Variants in MAP2 observed in about 807,000 individuals in gnomAD.
The protein encoded by MAP2 is microtubule-associated protein 2.
MAP2 carries 14 observed loss-of-function variants against 137.6 expected under a neutral mutation model. The ratio of observed to expected loss-of-function variants is 0.10; its 90% confidence interval spans 0.07 to 0.16. The LOEUF (loss-of-function observed/expected upper bound fraction) is 0.16. Ranked by LOEUF, MAP2 falls within the 10% of genes least tolerant of loss-of-function variation. MAP2 has a pLI of 1.00. For missense variants in MAP2, 2,088 were observed against 2,191.5 expected, an observed-to-expected ratio of 0.95 and a Z score of 0.94; for synonymous variants, 786 against 782.3, an observed-to-expected ratio of 1.00 and a Z score of -0.08.
chr2:209,723,698 G>T, intron 13 of MAP2: 1 of 1,605,364 alleles, frequency 6.2e-7, no homozygotes, highest in African/African-American at 1.3e-5. Flanking sequence ...GTAAGTAGAA[G>T]CGCCTTTTAG....
rs1202538347 is a variant in MAP2, at chr2:209,694,312, T to C, written c.2142T>C (p.Leu714=). The C allele has an allele frequency of 1.9e-6, 3 of 1,614,128 alleles. No individual in the cohort carries two copies. Among genetic ancestry groups the C allele is most frequent in the Non-Finnish European group, 2.5e-6 (3 of 1,179,998 alleles). Residue 714 remains leucine (L), a synonymous_variant, in exon 8 of 16, where the codon CTT becomes CTC. Transcript: ENST00000682079. ...TGTCTTGCCTAGATTCCATAGCCCT[T>C]GGATTTAACTTTGGTCGGGGACATG... The part of the protein sequence containing the change: ...LPMSCLDSIA[L]GFNFGRGHDL...
chr2:209,540,497 G>GTT (rs1577555286), intron 2 of MAP2, among the ~76,000 whole-genome samples: 60 of 150,584 alleles, frequency 4.0e-4, no homozygotes, highest in African/African-American at 1.4e-3. Context: ...CGAGCGTGGT[G>GTT]GCACGCGTCT....
At chr2:209,442,951 T>G (rs951814406) in intron 1 of MAP2, among the ~76,000 whole-genome samples, 15 of 151,640 alleles carry the variant, frequency 9.9e-5, no homozygotes, top group Non-Finnish European at 4.4e-5. Context: ...GCATTTGATT[T>G]CCTTGCCTCC....
At chr2:209,696,439 A>T (rs1250362460) in intron 8 of MAP2, 89 bp downstream of exon 8, 1 of 1,471,160 alleles carries the variant, frequency 6.8e-7, no homozygotes, top group African/African-American at 1.4e-5. Flanking sequence ...ATACCTCTTT[A>T]TCTCTTTATT....
chr2:209,643,743 C>T (rs2094205590), intron 4 of MAP2, among the ~76,000 whole-genome samples: 1 of 152,110 alleles, frequency 6.6e-6, no homozygotes, highest in Admixed American at 6.6e-5. Flanking sequence ...TTGGAAGATA[C>T]TACAAGTAGG....
intron 4 of MAP2, among the ~76,000 whole-genome samples, chr2:209,635,059 T>C (rs185947283): frequency 6.6e-6 from 1 of 152,188 alleles, no homozygotes; most frequent in East Asian, 1.9e-4. Flanking sequence ...ATCATGCCAC[T>C]ACACTCCAGC....
chr2:209,503,966 C>T (rs1160207963), intron 1 of MAP2, among the ~76,000 whole-genome samples: 7 of 151,908 alleles, frequency 4.6e-5, no homozygotes, highest in South Asian at 4.2e-4. Context: ...TGTGGTGAAA[C>T]GCACATGTAA....
intron 1 of MAP2, among the ~76,000 whole-genome samples, chr2:209,501,187 T>G (rs986257854): frequency 2.0e-5 from 3 of 152,208 alleles, no homozygotes; most frequent in Non-Finnish European, 4.4e-5. Context: ...ACTTTTCTGT[T>G]ACTTAAGCAG....
At position 209,585,644 on chromosome 2, in the gene MAP2, A is replaced by G. The variant is rs568197929; in HGVS notation, c.-107+5544A>G. On this transcript the variant is annotated intron_variant, in intron 3 of 15. Coordinates refer to ENST00000682079, the MANE Select transcript of MAP2 (RefSeq NM_001375505.1). ...TCTCACAACATTTTGCCACCTGCAT[A>G]TTATTCTCTCACCTAAAGTTTGGAC... Among the ~76,000 whole-genome samples the G allele has an allele frequency of 2.6e-5, 4 of 152,252 alleles. No individual in the cohort carries two copies. The East Asian group carries it at 7.7e-4, about 29-fold the overall frequency.
At chr2:209,660,169 C>G (rs1333710251) in intron 5 of MAP2, among the ~76,000 whole-genome samples, 3 of 152,004 alleles carry the variant, frequency 2.0e-5, no homozygotes, top group Non-Finnish European at 4.4e-5. Flanking sequence ...ACCAGGATTC[C>G]TTTGTCTCCC....
intron 4 of MAP2, among the ~76,000 whole-genome samples, chr2:209,634,052 C>A (rs2093340679): frequency 6.6e-6 from 1 of 152,166 alleles, no homozygotes; most frequent in South Asian, 2.1e-4. Flanking sequence ...GCTGGGCCAT[C>A]TTTGCTCCAG....
intron 3 of MAP2, among the ~76,000 whole-genome samples, chr2:209,612,831 A>G (rs985761145): frequency 1.3e-5 from 2 of 152,216 alleles, no homozygotes; most frequent in Admixed American, 1.3e-4. Flanking sequence ...ATCTTATTTA[A>G]GAGCAGAAAA....
chr2:209,508,724 A>G (rs1266914626), intron 2 of MAP2, among the ~76,000 whole-genome samples: 1 of 152,062 alleles, frequency 6.6e-6, no homozygotes, highest in East Asian at 1.9e-4. Context: ...GCCTATAGAT[A>G]ATTGGAAACT....
At chr2:209,602,030 A>G (rs1382417841) in intron 3 of MAP2, among the ~76,000 whole-genome samples, 2 of 152,198 alleles carry the variant, frequency 1.3e-5, no homozygotes, top group Non-Finnish European at 2.9e-5. Flanking sequence ...AAAGTCTCCC[A>G]AACTAATTTA....
At chr2:209,603,566 G>A (rs1301283411) in intron 3 of MAP2, among the ~76,000 whole-genome samples, 1 of 152,136 alleles carries the variant, frequency 6.6e-6, no homozygotes, top group Admixed American at 6.6e-5. Flanking sequence ...CTGCATGCTG[G>A]TGGGCAGCTC....
chr2:209,494,270 G>A (rs115773108), intron 1 of MAP2, among the ~76,000 whole-genome samples: 2,588 of 151,954 alleles, frequency 0.017, 72 homozygotes, highest in African/African-American at 0.057. Flanking sequence ...ATCACACACC[G>A]GGGCCTGTTG....
Position 209,584,993 on chromosome 2 carries a change from A to G in MAP2, c.-107+4893A>G, listed in dbSNP as rs1189422667. The stretch of plus-strand genomic sequence containing the variant: ...GCAAAATGCCTAGTACATAGCAGAC[A>G]GCCAATAAATGCTAAATGAATGAGT... On this transcript the variant is annotated intron_variant, in intron 3 of 15. Transcript: ENST00000682079. Among the ~76,000 whole-genome samples, 3 of 152,174 alleles carry G rather than the reference A, an allele frequency of 2.0e-5. No homozygotes were observed. In the South Asian group the frequency reaches 6.2e-4, roughly 32 times the overall value.
intron 1 of MAP2, among the ~76,000 whole-genome samples, chr2:209,504,023 G>A (rs1559247500): frequency 6.6e-6 from 1 of 151,868 alleles, no homozygotes; most frequent in Non-Finnish European, 1.5e-5. Flanking sequence ...TTGAACCCAG[G>A]AGGTGGAGGT....
chr2:209,505,611 AAT>A (rs1184294100), intron 1 of MAP2, among the ~76,000 whole-genome samples: 1 of 152,136 alleles, frequency 6.6e-6, no homozygotes, highest in Non-Finnish European at 1.5e-5. Flanking sequence ...AAACCACTTT[AAT>A]AGTTTTTGTG....
Sources: gnomAD v4.1 joint callset for allele counts (sites outside exome capture counted in the v4.1 genomes callset) on GRCh38, gnomAD v4.1.1 for gene constraint, MANE v1.5 for transcripts, NCBI Gene and HGNC (gene_info 2026-07-23, HGNC 2026-07-21) for gene names.